Variants in TANC2 observed in about 807,000 individuals in gnomAD.
TANC2 encodes tetratricopeptide repeat, ankyrin repeat and coiled-coil containing 2, also known as protein TANC2.
Under a neutral mutation model 210.5 loss-of-function variants are expected in TANC2, and 26 were observed. The observed-to-expected ratio is 0.12, with a 90% CI of 0.09 to 0.17. The LOEUF is 0.17. TANC2 is among the 10% of genes least tolerant of loss of function. The pLI, the probability that TANC2 is intolerant of heterozygous loss-of-function variation, is 1.00. For missense variants in TANC2, 2,129 were observed against 2,608.9 expected, an observed-to-expected ratio of 0.82 and a Z score of 4.01; for synonymous variants, 931 against 967.1, an observed-to-expected ratio of 0.96 and a Z score of 0.69.
intron 9 of TANC2, among the ~76,000 whole-genome samples, chr17:63,293,642 T>C (rs2044446463): frequency 6.6e-6 from 1 of 152,176 alleles, no homozygotes; most frequent in Non-Finnish European, 1.5e-5. Flanking sequence ...CAGCTGTTTA[T>C]ATTTGCATTT....
chr17:63,232,519 G>A (rs955549780), intron 7 of TANC2, among the ~76,000 whole-genome samples: 12 of 152,368 alleles, frequency 7.9e-5, no homozygotes, highest in Admixed American at 7.8e-4. Context: ...CCATAGGGCT[G>A]CTGCAGTTTG....
chr17:63,000,955 G>C (rs1256484084), intron 1 of TANC2, among the ~76,000 whole-genome samples: 1 of 108,704 alleles, frequency 9.2e-6, no homozygotes, highest in Admixed American at 9.8e-5. Context: ...AATTAAAAAA[G>C]TTTTAGAACT....
intron 2 of TANC2, among the ~76,000 whole-genome samples, chr17:63,068,961 C>T (rs999899251): frequency 5.3e-5 from 8 of 151,802 alleles, no homozygotes; most frequent in African/African-American, 9.7e-5. Context: ...TAAGATATAG[C>T]GGTTAATTTG....
intron 2 of TANC2, among the ~76,000 whole-genome samples, chr17:63,064,441 A>C (rs2036120290): frequency 1.3e-5 from 2 of 152,230 alleles, no homozygotes; most frequent in African/African-American, 4.8e-5. Flanking sequence ...TGTGGGTGAC[A>C]GAGCGAGACC....
chr17:63,233,827 T>C (rs2042547159), intron 7 of TANC2, among the ~76,000 whole-genome samples: 1 of 152,254 alleles, frequency 6.6e-6, no homozygotes, highest in African/African-American at 2.4e-5. Flanking sequence ...TGTCTTTGGA[T>C]AAACCATTGT....
At chr17:63,159,991 G>A (rs866171838) in intron 5 of TANC2, among the ~76,000 whole-genome samples, 6 of 152,218 alleles carry the variant, frequency 3.9e-5, no homozygotes, top group African/African-American at 1.4e-4. Context: ...TTCCTGGCTT[G>A]CAGATAACTG....
rs979100148 is a variant in TANC2, at chr17:63,406,336, T to G, written c.3589+59T>G. ...TTTCCATAATTACCTGGTGAACTCA[T>G]GATTTCCAGCAATGGATCCCAGGAG... On this transcript the variant is annotated intron_variant, in intron 21 of 27. Transcript: ENST00000689528. 3 of 1,597,412 alleles carry G rather than the reference T, an allele frequency of 1.9e-6. No individual in the cohort carries two copies. In the African/African-American group the frequency reaches 4.0e-5, roughly 21 times the overall value.
chr17:63,065,761 A>T (rs190367015), intron 2 of TANC2, among the ~76,000 whole-genome samples: 1 of 152,246 alleles, frequency 6.6e-6, no homozygotes, highest in Non-Finnish European at 1.5e-5. Context: ...TTCTCTTGCT[A>T]TTGAATTGAG....
At position 63,193,242 on chromosome 17, in the gene TANC2, A is replaced by G. The variant is rs562488970; in HGVS notation, c.434-749A>G. Among the ~76,000 whole-genome samples, 182 of 152,292 alleles carry G rather than the reference A, an allele frequency of 1.2e-3. 1 individual carries two copies. Among genetic ancestry groups the G allele is most frequent in the African/African-American group, 4.0e-3 (166 of 41,564 alleles). ...CTATTTATGTTGCCTCTGGGAGGAT[A>G]ATAGGAGAGGAAAAATAGAGCCTTG... On this transcript the variant is annotated intron_variant, in intron 5 of 27. Transcript: ENST00000689528.
At chr17:63,228,789 A>C (rs1179775216) in intron 7 of TANC2, among the ~76,000 whole-genome samples, 3 of 152,192 alleles carry the variant, frequency 2.0e-5, no homozygotes, top group Non-Finnish European at 4.4e-5. Flanking sequence ...TTATATCCTG[A>C]GACCTTGCTG....
chr17:63,030,585 AC>A (rs968099426), intron 2 of TANC2, among the ~76,000 whole-genome samples: 1 of 146,468 alleles, frequency 6.8e-6, no homozygotes, highest in Admixed American at 6.8e-5. Flanking sequence ...ACCCCATGCC[AC>A]CCCCCACCCC....
intron 11 of TANC2, among the ~76,000 whole-genome samples, chr17:63,328,752 A>G (rs1419974038): frequency 6.6e-6 from 1 of 152,026 alleles, no homozygotes; most frequent in Non-Finnish European, 1.5e-5. Flanking sequence ...AAGCAGGGCA[A>G]CTACAATAAT....
At chr17:63,395,823 G>A in exon 18 of TANC2, 1 of 1,613,218 alleles carries the variant, frequency 6.2e-7, no homozygotes, top group Non-Finnish European at 8.5e-7. Flanking sequence ...TCAAGTTTTT[G>A]ATTCAGTGTG....
intron 7 of TANC2, among the ~76,000 whole-genome samples, chr17:63,214,897 C>A (rs371809104): frequency 7.2e-5 from 11 of 152,140 alleles, no homozygotes; most frequent in African/African-American, 2.4e-4. Flanking sequence ...GCTCTCAATT[C>A]TTTCCTGAGA....
At chr17:63,107,185 A>C (rs1346553637) in intron 4 of TANC2, among the ~76,000 whole-genome samples, 2 of 151,676 alleles carry the variant, frequency 1.3e-5, no homozygotes, top group East Asian at 3.8e-4. Context: ...GTTGCTTGTC[A>C]CAAGAAAGTG....
At chr17:63,256,635 G>A (rs980318171) in intron 8 of TANC2, among the ~76,000 whole-genome samples, 8 of 152,128 alleles carry the variant, frequency 5.3e-5, no homozygotes, top group Non-Finnish European at 7.4e-5. Flanking sequence ...AGATTAAGTC[G>A]AATGTTTCTT....
chr17:63,207,494 C>G lies in TANC2; in HGVS notation c.769+6537C>G, dbSNP rs980259709. On this transcript the variant is annotated intron_variant, in intron 7 of 27. Transcript: ENST00000689528. Reference sequence around the variant, plus strand: ...CCTCCCAAAGTGCTGGGATTACAGGCATGAGCCACCACGCTCAGCCACAAA... The same window carrying G: ...CCTCCCAAAGTGCTGGGATTACAGGGATGAGCCACCACGCTCAGCCACAAA... 2.0e-5 allele frequency among the ~76,000 whole-genome samples: 3 copies of G among 152,182 alleles called. No individual in the cohort carries two copies. In the East Asian group the frequency reaches 5.8e-4, roughly 29 times the overall value.
At chr17:63,127,064 A>G (rs1046916383) in intron 4 of TANC2, among the ~76,000 whole-genome samples, 2 of 152,200 alleles carry the variant, frequency 1.3e-5, no homozygotes, top group Non-Finnish European at 2.9e-5. Context: ...AGTACCAAAA[A>G]ATGGACAGAT....
intron 4 of TANC2, among the ~76,000 whole-genome samples, chr17:63,123,353 C>G (rs2038560749): frequency 6.6e-6 from 1 of 151,826 alleles, no homozygotes; most frequent in African/African-American, 2.4e-5. Context: ...GTCAGGAGAT[C>G]AAGACCATAC....
Sources: gnomAD v4.1 joint callset for allele counts (sites outside exome capture counted in the v4.1 genomes callset) on GRCh38, gnomAD v4.1.1 for gene constraint, MANE v1.5 for transcripts, NCBI Gene and HGNC (gene_info 2026-07-23, HGNC 2026-07-21) for gene names.